The following ERBB3 variants were observed in gnomAD, a reference collection of about 807,000 sequenced individuals.
The protein encoded by ERBB3 is erb-b2 receptor tyrosine kinase 3.
ERBB3 carries 96 observed loss-of-function variants against 156.7 expected under a neutral mutation model. That is an observed-to-expected ratio of 0.61 (90% CI 0.52 to 0.73). The LOEUF (loss-of-function observed/expected upper bound fraction) is 0.73. ERBB3 is among the 30% of genes least tolerant of loss of function. ERBB3 has a pLI of 0.00. For synonymous variants in ERBB3, 567 were observed against 632.0 expected (o/e 0.90, Z 1.54); for missense variants, 1,406 against 1,709.4 (o/e 0.82, Z 3.13).
At chr12:56,091,302 T>TATATATATA (rs1565858549) in intron 9 of ERBB3, among the ~76,000 whole-genome samples, 25 of 85,784 alleles carry the variant, frequency 2.9e-4, no homozygotes, top group Non-Finnish European at 4.7e-4. Flanking sequence ...ATATAAATAA[T>TATATATATA]ATATATAAAT....
rs2229045 is a variant in ERBB3 at position 56,093,378 on chromosome 12, G to A, written c.1308G>A (p.Leu436=). 4.5e-4 allele frequency: 720 copies of A among 1,613,824 alleles called. 2 individuals carry two copies. The highest frequency in any genetic ancestry group is 5.8e-4 in the Non-Finnish European group (679 of 1,180,006). The change falls in exon 12 of 28, where the codon TTG becomes TTA. Residue 436 remains leucine, a synonymous_variant. Transcript: ENST00000267101. ...TCTCATTGTTGATCATGAAGAACTT[G>A]AATGTCACATCTCTGGGCTTCCGAT... ...RGFSLLIMKN[L]NVTSLGFRSL... is the part of the protein sequence containing the mutation.
At chr12:56,101,455 C>T (rs560166892) in intron 27 of ERBB3, 74 bp from the exon 28 acceptor site, 1 of 1,593,000 alleles carries the variant, frequency 6.3e-7, no homozygotes, top group South Asian at 1.1e-5. Flanking sequence ...CCTCTCTGTC[C>T]TATTAATTTT....
Position 56,102,315 on chromosome 12 carries a change from A to G in ERBB3, c.*260A>G, listed in dbSNP as rs1261160838. On this transcript the variant is annotated 3_prime_UTR_variant, in exon 28 of 28. Transcript: ENST00000267101. ...GTGTGCTTTCCCAGTCCCATTCCTC[A>G]GCTTCTTCACAGGCACTCCTGGAGA... is the stretch of plus-strand genomic sequence containing the variant. 2.0e-6 allele frequency: 1 copy of G among 501,882 alleles called. No individual in the cohort carries two copies. The highest frequency in any genetic ancestry group is 3.6e-6 in the Non-Finnish European group (1 of 276,948). 31.1% of individuals were successfully genotyped at this position (501,882 alleles called of 1,614,324 possible). A position where few individuals can be genotyped will look rare whatever the true frequency, so the allele number is the denominator to read the frequency against.
chr12:56,087,701 C>A, intron 5 of ERBB3, 59 bp downstream of exon 5: 1 of 1,597,678 alleles, frequency 6.3e-7, no homozygotes, highest in South Asian at 1.1e-5. Flanking sequence ...CCTTCCTCCC[C>A]AAGCCTGGGT....
intron 2 of ERBB3, among the ~76,000 whole-genome samples, chr12:56,084,398 G>T (rs1039660983): frequency 5.9e-5 from 9 of 151,890 alleles, no homozygotes; most frequent in African/African-American, 2.2e-4. Flanking sequence ...ATCACTTGAG[G>T]TCAGGAGTTC....
chr12:56,093,345 C>A lies in ERBB3; in HGVS notation c.1275C>A (p.Asn425Lys). 1 of 1,612,880 alleles carries A rather than the reference C, an allele frequency of 6.2e-7. No individual in the cohort carries two copies. The highest frequency in any genetic ancestry group is 8.5e-7 in the Non-Finnish European group (1 of 1,179,076). The change falls in exon 12 of 28, where the codon AAC becomes AAA. Residue 425 changes from asparagine (N) to lysine (K), a missense_variant and splice_region_variant. By Grantham distance (94) the Asn-to-Lys change is moderately conservative (BLOSUM62 0). This residue lies in a region of ERBB3 where 979 missense variants were observed against 1,219.6 expected (regional missense o/e 0.80). Coordinates refer to ENST00000267101, the MANE Select transcript of ERBB3 (RefSeq NM_001982.4). ...LTTIGGRSLYNRGFSLLIMKN... is the reference protein window; with the variant it reads ...LTTIGGRSLYKRGFSLLIMKN... ...TCTCATCCTGTCTCCTTATTCTCAG[C>A]CGGGGCTTCTCATTGTTGATCATGA... is the stretch of plus-strand genomic sequence containing the variant.
chr12:56,099,304 A>G (rs1348782996), intron 23 of ERBB3, among the ~76,000 whole-genome samples: 1 of 147,882 alleles, frequency 6.8e-6, no homozygotes, highest in African/African-American at 2.5e-5. Flanking sequence ...TTATGGCTCT[A>G]TTCCTTTTTT....
At chr12:56,082,034 G>A (rs1041745319) in intron 1 of ERBB3, among the ~76,000 whole-genome samples, 4 of 152,104 alleles carry the variant, frequency 2.6e-5, no homozygotes, top group African/African-American at 9.7e-5. Flanking sequence ...TGTGTAATAT[G>A]GACTTTACCC....
Position 56,099,637 on chromosome 12 carries a change from C to G in ERBB3, c.2840-11C>G, listed in dbSNP as rs1565861259. 1.2e-6 allele frequency: 2 copies of G among 1,610,232 alleles called. No individual in the cohort carries two copies. Among genetic ancestry groups the G allele is most frequent in the Non-Finnish European group, 1.7e-6 (2 of 1,176,764 alleles). On this transcript the variant is annotated splice_polypyrimidine_tract_variant and intron_variant, in intron 23 of 27. Transcript: ENST00000267101. Reference sequence around the variant, plus strand: ...TCTTTTATGTCTCTACCTCCTACATCTTATCTCCAGGTTGGATGATTGATG... The same window carrying G: ...TCTTTTATGTCTCTACCTCCTACATGTTATCTCCAGGTTGGATGATTGATG...
rs1461149984 is a variant in ERBB3, at chr12:56,080,259, CG to C, written c.-39del. 5 of 1,511,214 alleles carry C rather than the reference CG, an allele frequency of 3.3e-6. No individual in the cohort carries two copies. The highest frequency in any genetic ancestry group is 4.5e-6 in the Non-Finnish European group (5 of 1,112,332). 93.6% of individuals were successfully genotyped at this position (1,511,214 alleles called of 1,614,324 possible). A position where few individuals can be genotyped will look rare whatever the true frequency, so the allele number is the denominator to read the frequency against. On this transcript the variant is annotated 5_prime_UTR_variant, in exon 1 of 28. Coordinates refer to ENST00000267101, the MANE Select transcript of ERBB3 (RefSeq NM_001982.4). ...CTCGATGTCCTAGCCTAGGGGCCCC[CG>C]GGCCGGACTTGGCTGGGCTCCCTTC... is the stretch of plus-strand genomic sequence containing the variant.
chr12:56,088,271 T>C, intron 7 of ERBB3, 109 bp downstream of exon 7: 1 of 1,230,118 alleles, frequency 8.1e-7, no homozygotes, highest in Admixed American at 1.9e-5. Context: ...GGGAGATTGG[T>C]GAATGGTTAT....
chr12:56,101,913 AG>A lies in ERBB3; in HGVS notation c.3891del (p.Pro1298LeufsTer13). ...EQGYEEMRAF[Q>X]GPGHQAPHVH... The stretch of plus-strand genomic sequence containing the variant: ...GGGTATGAAGAGATGAGAGCTTTTC[AG>A]GGGCCTGGACATCAGGCCCCCCATG... On this transcript the variant is annotated frameshift_variant, in exon 28 of 28. Transcript: ENST00000267101. LOFTEE classifies it high-confidence loss of function. The A allele has an allele frequency of 6.2e-7, 1 of 1,613,518 alleles. No individual in the cohort carries two copies.
rs2136813198 is a variant in ERBB3, at chr12:56,094,529, G to A, written c.1832G>A (p.Arg611Gln). 2.5e-6 allele frequency: 4 copies of A among 1,614,068 alleles called. No homozygotes were observed. The highest frequency in any genetic ancestry group is 1.1e-5 in the South Asian group (1 of 91,070). Residue 611 changes from arginine to glutamine, a missense_variant, in exon 15 of 28, where the codon CGG becomes CAG. Physicochemically the swap from Arg to Gln is conservative, Grantham distance 43. This residue lies in a region of ERBB3 where 979 missense variants were observed against 1,219.6 expected (regional missense o/e 0.80). Transcript: ENST00000267101. ...YKYPDVQNEC[R>Q]PCHENCTQGC... ...TACCCAGATGTTCAGAATGAATGTC[G>A]GCCCTGCCATGAGAACTGCACCCAG...
intron 9 of ERBB3, among the ~76,000 whole-genome samples, chr12:56,090,676 T>TTCTC (rs147490873): frequency 3.3e-5 from 5 of 150,460 alleles, no homozygotes; most frequent in Non-Finnish European, 7.4e-5. Context: ...GCTTTATCAC[T>TTCTC]TCTCTCTCTC....
Position 56,092,935 on chromosome 12 carries a change from C to T in ERBB3, c.1184-51C>T, listed in dbSNP as rs376130778. 17 of 1,563,312 alleles carry T rather than the reference C, an allele frequency of 1.1e-5. No individual in the cohort carries two copies. In the African/African-American group the frequency reaches 1.9e-4, roughly 17 times the overall value. On this transcript the variant is annotated intron_variant, in intron 10 of 27. Transcript: ENST00000267101. ...AGTTATAGGGGAGGAGCCAGGAGAA[C>T]CCAAGAAAGAAGAAGGCTCCCTGCC...
At chr12:56,085,658 T>G (rs994263155) in intron 3 of ERBB3, 5 of 181,588 alleles carry the variant, frequency 2.8e-5, no homozygotes, top group Admixed American at 1.7e-4. Context: ...CAGCTGTTCA[T>G]GAGGCTGAGG....
intron 25 of ERBB3, 22 bp from the exon 26 acceptor site, chr12:56,100,152 T>G: frequency 6.2e-7 from 1 of 1,610,212 alleles, no homozygotes; most frequent in East Asian, 2.2e-5. Flanking sequence ...ATCTTAACCT[T>G]TTCCTTATTT....
intron 9 of ERBB3, chr12:56,089,249 C>T (rs1343294407): frequency 2.4e-6 from 1 of 418,546 alleles, no homozygotes; most frequent in African/African-American, 2.1e-5. Flanking sequence ...TCCCAAGTAG[C>T]TGGGACTATA....
chr12:56,089,066 T>C, intron 9 of ERBB3, 198 bp downstream of exon 9: 2 of 694,864 alleles, frequency 2.9e-6, no homozygotes, highest in Admixed American at 4.1e-5. Flanking sequence ...CTTTGAGCAA[T>C]TCAATATCGC....
Sources: allele counts gnomAD v4.1 joint callset (sites outside exome capture counted in the v4.1 genomes callset), GRCh38; gene constraint gnomAD v4.1.1; regional missense constraint gnomAD v4.1.1; transcripts MANE v1.5; gene names NCBI Gene and HGNC (gene_info 2026-07-23, HGNC 2026-07-21).